Variants in NDUFA11 observed in about 807,000 individuals in gnomAD.
NDUFA11 encodes NADH dehydrogenase [ubiquinone] 1 alpha subcomplex subunit 11.
In NDUFA11, 14 loss-of-function variants were observed where a neutral mutation model predicts 11.3. The ratio of observed to expected loss-of-function variants is 1.24; its 90% confidence interval spans 0.82 to 1.94. The LOEUF (loss-of-function observed/expected upper bound fraction) is 1.94. Ranked by LOEUF, NDUFA11 falls within the 30% of genes most tolerant of loss-of-function variation. The pLI is 0.00. For missense variants in NDUFA11, 204 were observed against 200.3 expected (o/e 1.02, Z -0.11); for synonymous variants, 87 against 85.6 (o/e 1.02, Z -0.09).
chr19:5,896,114 C>T lies in NDUFA11; in HGVS notation c.313+339G>A. ...GATGCTGGCTTGTACACAGGGTGGTCAGGACAGTGAGGGGAACAGCATTCC... is the reference window on the plus strand; with the variant it reads ...GATGCTGGCTTGTACACAGGGTGGTTAGGACAGTGAGGGGAACAGCATTCC... On this transcript the variant is annotated intron_variant, in intron 3 of 3. Transcript: ENST00000308961. This position sits in a 1 kb window ranked among gnomAD's most constrained non-coding sequence, Gnocchi z 5.8. 1.9e-6 allele frequency: 1 copy of T among 538,750 alleles called. No homozygotes were observed. Among genetic ancestry groups the T allele is most frequent in the African/African-American group, 1.9e-5 (1 of 53,232 alleles). 33.4% of individuals were successfully genotyped at this position (538,750 alleles called of 1,614,324 possible).
At chr19:5,903,484 A>G in intron 1 of NDUFA11, 128 bp downstream of exon 1, 1 of 873,026 alleles carries the variant, frequency 1.1e-6, no homozygotes, top group Non-Finnish European at 1.8e-6. Context: ...ACCGCCCAAG[A>G]CACCCCGATG....
chr19:5,893,038 G>A (rs767835128), downstream of NDUFA11: 12 of 1,535,608 alleles, frequency 7.8e-6, no homozygotes, highest in African/African-American at 4.1e-5. This position sits in a 1 kb window ranked among gnomAD's most constrained non-coding sequence, Gnocchi z 4.1. Context: ...CAGGGAGCCC[G>A]AGGCCCGGGC....
chr19:5,903,340 C>A (rs796180716), intron 1 of NDUFA11, among the ~76,000 whole-genome samples: 3 of 152,282 alleles, frequency 2.0e-5, no homozygotes, highest in African/African-American at 7.2e-5. Context: ...ACAATTTCCC[C>A]GAGCCTGGCG....
rs1054705279 is a variant in NDUFA11 at position 5,903,770 on chromosome 19, C to T, written c.-62G>A. ...AGCTCGGGAAGCGCAAGGGCAGCCGCGGCTGGCTATCGCGAGACTTCTCGG... is the reference window on the plus strand; with the variant it reads ...AGCTCGGGAAGCGCAAGGGCAGCCGTGGCTGGCTATCGCGAGACTTCTCGG... On this transcript the variant is annotated 5_prime_UTR_variant, in exon 1 of 4. Coordinates refer to ENST00000308961, the MANE Select transcript of NDUFA11 (RefSeq NM_175614.5). 1.3e-5 allele frequency: 19 copies of T among 1,515,222 alleles called. No homozygotes were observed. The highest frequency in any genetic ancestry group is 1.7e-4 in the Middle Eastern group (1 of 5,956). The allele number at this position is 1,515,222 out of a possible 1,614,324, so 93.9% of individuals were successfully genotyped here. A position where few individuals can be genotyped will look rare whatever the true frequency, so the allele number is the denominator to read the frequency against.
At position 5,896,439 on chromosome 19, in the gene NDUFA11, A is replaced by T; in HGVS notation, c.313+14T>A. 1.2e-6 allele frequency: 1 copy of T among 827,618 alleles called. No individual in the cohort carries two copies. The allele number at this position is 827,618 out of a possible 1,614,324, so 51.3% of individuals were successfully genotyped here. A position where few individuals can be genotyped will look rare whatever the true frequency, so the allele number is the denominator to read the frequency against. ...GGCTGGGAGGAGGGTGGGGGTGGGG[A>T]GGGGGCCACTCACTGCGTGCTCCCA... On this transcript the variant is annotated intron_variant, in intron 3 of 3. Coordinates refer to ENST00000308961, the MANE Select transcript of NDUFA11 (RefSeq NM_175614.5). The surrounding 1 kb of genome is among the most constrained non-coding windows in gnomAD (Gnocchi z 5.8).
chr19:5,891,875 G>A (rs1207000111), downstream of NDUFA11: 1 of 152,246 alleles, frequency 6.6e-6, no homozygotes, highest in Non-Finnish European at 1.5e-5. Context: ...CCTGGGGCTG[G>A]GAAGGGCTCC....
chr19:5,899,764 G>C (rs2057633602), intron 1 of NDUFA11: 1 of 152,056 alleles, frequency 6.6e-6, no homozygotes, highest in South Asian at 2.1e-4. Context: ...ACCATGCCCG[G>C]ACTTGAAGAT....
chr19:5,900,665 C>T lies in NDUFA11; in HGVS notation c.97+2947G>A, dbSNP rs143906832. 2.7e-4 allele frequency among the ~76,000 whole-genome samples: 41 copies of T among 152,318 alleles called. No homozygotes were observed. The East Asian group carries it at 7.5e-3, about 28-fold the overall frequency. On this transcript the variant is annotated intron_variant, in intron 1 of 3. Coordinates refer to ENST00000308961, the MANE Select transcript of NDUFA11 (RefSeq NM_175614.5). ...GGGTGCAGTGGCTCACGCCTGTAAT[C>T]CCAGCACTTTGGGAGGCCAAGGCGG...
chr19:5,903,218 G>T (rs186230329), intron 1 of NDUFA11, among the ~76,000 whole-genome samples: 30 of 151,710 alleles, frequency 2.0e-4, no homozygotes, highest in Non-Finnish European at 4.3e-4. Context: ...CATCTGTACC[G>T]CCCTCAGATG....
chr19:5,896,505 G>A lies in NDUFA11; in HGVS notation c.261C>T (p.Pro87=). 6.4e-7 allele frequency: 1 copy of A among 1,572,372 alleles called. No individual in the cohort carries two copies. The highest frequency in any genetic ancestry group is 8.6e-7 in the Non-Finnish European group (1 of 1,159,160). The change falls in exon 3 of 4, where the codon CCC becomes CCT. Residue 87 remains proline (P), a synonymous_variant. Transcript: ENST00000308961. The surrounding 1 kb of genome is among the most constrained non-coding windows in gnomAD (Gnocchi z 5.8). ...CGCAGCCACCGAGGAAGTAGTTCAG[G>A]GGGTCGTCGGGCTTCTCGCGGACAT... ...SAHVREKPDD[P]LNYFLGGCAG...
rs777806418 is a variant in NDUFA11, at chr19:5,894,751, G to A, written c.417C>T (p.Pro139=). 31 of 1,613,074 alleles carry A rather than the reference G, an allele frequency of 1.9e-5. No individual in the cohort carries two copies. Among genetic ancestry groups the A allele is most frequent in the Non-Finnish European group, 2.6e-5 (31 of 1,179,718 alleles). The part of the protein sequence containing the change: ...RLEGWEVFAK[P]KV ...CCGGCAGGCACAGGGCTCACACCTT[G>A]GGTTTTGCAAACACCTCCCAGCCCT... The change falls in exon 4 of 4, where the codon CCC becomes CCT. Residue 139 remains proline, a synonymous_variant. Transcript: ENST00000308961.
chr19:5,896,901 TCA>T lies in NDUFA11; in HGVS notation c.190+2_190+3del. 1.2e-6 allele frequency: 2 copies of T among 1,612,810 alleles called. No homozygotes were observed. Among genetic ancestry groups the T allele is most frequent in the Non-Finnish European group, 1.7e-6 (2 of 1,178,964 alleles). On this transcript the variant is annotated splice_donor_variant and splice_donor_region_variant and intron_variant, in intron 2 of 3. Coordinates refer to ENST00000308961, the MANE Select transcript of NDUFA11 (RefSeq NM_175614.5). LOFTEE classifies it high-confidence loss of function. This position sits in a 1 kb window ranked among gnomAD's most constrained non-coding sequence, Gnocchi z 5.8. Reference sequence around the variant, plus strand: ...CCCAGCCATGCCCAGCCCAGCGTGCTCACCTGCAGTGAACGTGTATTGTCCAA... The same window carrying T: ...CCCAGCCATGCCCAGCCCAGCGTGCTCCTGCAGTGAACGTGTATTGTCCAA...
In NDUFA11 at chr19:5,896,442, G is replaced by A. The variant is rs960070418; in HGVS notation, c.313+11C>T. On this transcript the variant is annotated intron_variant, in intron 3 of 3. Coordinates refer to ENST00000308961, the MANE Select transcript of NDUFA11 (RefSeq NM_175614.5). The surrounding 1 kb of genome is among the most constrained non-coding windows in gnomAD (Gnocchi z 5.8). ...TGGGAGGAGGGTGGGGGTGGGGAGGGGGCCACTCACTGCGTGCTCCCAGAG... is the reference window on the plus strand; with the variant it reads ...TGGGAGGAGGGTGGGGGTGGGGAGGAGGCCACTCACTGCGTGCTCCCAGAG... The A allele has an allele frequency of 1.6e-6, 2 of 1,281,126 alleles. No individual in the cohort carries two copies. The highest frequency in any genetic ancestry group is 2.2e-6 in the Non-Finnish European group (2 of 905,708). 79.4% of individuals were successfully genotyped at this position (1,281,126 alleles called of 1,614,324 possible). A position where few individuals can be genotyped will look rare whatever the true frequency, so the allele number is the denominator to read the frequency against.
chr19:5,892,906 CAAGGA>C (rs1208840893), downstream of NDUFA11: 2 of 1,436,058 alleles, frequency 1.4e-6, no homozygotes, highest in Admixed American at 5.4e-5. Flanking sequence ...GAGGACAGAA[CAAGGA>C]AAGAATCAAG....
chr19:5,893,120 C>T (rs2057587983), downstream of NDUFA11: 1 of 1,536,106 alleles, frequency 6.5e-7, no homozygotes, highest in African/African-American at 1.4e-5. This position sits in a 1 kb window ranked among gnomAD's most constrained non-coding sequence, Gnocchi z 4.1. Context: ...GCGTGGACAT[C>T]TGTGCTCTCT....
intron 1 of NDUFA11, chr19:5,901,347 T>C: frequency 2.3e-6 from 3 of 1,287,010 alleles, no homozygotes; most frequent in Non-Finnish European, 2.0e-6. Context: ...GATGGGAACA[T>C]TCCTTGCTTC....
intron 1 of NDUFA11, chr19:5,899,988 C>T (rs1054166311): frequency 3.3e-5 from 5 of 152,230 alleles, no homozygotes; most frequent in African/African-American, 1.2e-4. Flanking sequence ...GGACCCCTAG[C>T]TCATGGAGCA....
At chr19:5,892,799 G>A (rs548197457), downstream of NDUFA11, 1 of 1,293,268 alleles carries the variant, frequency 7.7e-7, no homozygotes, top group Non-Finnish European at 1.0e-6. Flanking sequence ...GATGCCTGCA[G>A]GGAGGTGGAA....
At chr19:5,892,942 G>T, downstream of NDUFA11, 1 of 1,457,208 alleles carries the variant, frequency 6.9e-7, no homozygotes, top group South Asian at 1.4e-5. Context: ...CGAACCCAGA[G>T]TGTTTAACAA....
Sources: gnomAD v4.1 joint callset for allele counts (sites outside exome capture counted in the v4.1 genomes callset) on GRCh38, gnomAD v4.1.1 for gene constraint, Gnocchi (gnomAD v3.1) non-coding constraint, MANE v1.5 for transcripts, NCBI Gene and HGNC (gene_info 2026-07-23, HGNC 2026-07-21) for gene names.